The following DLGAP1 variants were observed in gnomAD, a reference collection of about 807,000 sequenced individuals.
DLGAP1 encodes disks large-associated protein 1.
DLGAP1 carries 11 observed loss-of-function variants against 90.8 expected under a neutral mutation model. The ratio of observed to expected loss-of-function variants is 0.12; its 90% CI spans 0.08 to 0.20. The LOEUF (loss-of-function observed/expected upper bound fraction) is 0.20, where lower values mean the gene tolerates loss of function less well. DLGAP1 is among the 10% of genes least tolerant of loss of function. The pLI, the probability that DLGAP1 is intolerant of heterozygous loss-of-function variation, is 1.00. For synonymous variants in DLGAP1, 558 were observed against 540.7 expected (o/e 1.03, Z -0.44); for missense variants, 1,050 against 1,333.8 (o/e 0.79, Z 3.31).
At chr18:3,550,312 A>G (rs908231206) in intron 9 of DLGAP1, among the ~76,000 whole-genome samples, 8 of 151,814 alleles carry the variant, frequency 5.3e-5, no homozygotes, top group African/African-American at 1.9e-4. Context: ...TGCAGCCTCA[A>G]CTTCCTGAGC....
intron 8 of DLGAP1, chr18:3,580,668 C>T (rs560913794): frequency 1.8e-5 from 29 of 1,609,102 alleles, no homozygotes; most frequent in African/African-American, 6.7e-5. Context: ...TTGCTGGGCC[C>T]GGCCCCTGAG....
chr18:3,956,646 C>A (rs1054988750), intron 3 of DLGAP1, among the ~76,000 whole-genome samples: 1 of 151,646 alleles, frequency 6.6e-6, no homozygotes, highest in Non-Finnish European at 1.5e-5. Context: ...CCACGCCCGG[C>A]CTATTTTTCC....
intron 1 of DLGAP1, among the ~76,000 whole-genome samples, chr18:4,277,499 A>G (rs534308346): frequency 1.3e-5 from 2 of 152,288 alleles, no homozygotes; most frequent in African/African-American, 2.4e-5. Context: ...GGGGTAAGAT[A>G]TATGTCATAG....
chr18:3,993,763 C>T (rs1230107457), intron 3 of DLGAP1, among the ~76,000 whole-genome samples: 2 of 152,122 alleles, frequency 1.3e-5, no homozygotes, highest in Non-Finnish European at 2.9e-5. Flanking sequence ...CATGGGATCA[C>T]TGACCAAGCT....
At chr18:4,340,471 A>C (rs1285062302) in intron 1 of DLGAP1, among the ~76,000 whole-genome samples, 1 of 152,330 alleles carries the variant, frequency 6.6e-6, no homozygotes, top group East Asian at 1.9e-4. Context: ...GGAAAATGGA[A>C]GCATGGATAA....
chr18:4,185,590 TC>T (rs2077279672), intron 1 of DLGAP1, among the ~76,000 whole-genome samples: 1 of 152,164 alleles, frequency 6.6e-6, no homozygotes, highest in South Asian at 2.1e-4. Context: ...TTGATTTCTT[TC>T]TTTTTTATAG....
At position 4,349,643 on chromosome 18, in the gene DLGAP1, C is replaced by A. The variant is rs9965628; in HGVS notation, c.-267+105363G>T. 7.9e-3 allele frequency among the ~76,000 whole-genome samples: 1,207 copies of A among 151,966 alleles called. 15 individuals carry two copies. Among genetic ancestry groups the A allele is most frequent in the African/African-American group, 0.027 (1,100 of 41,440 alleles). On this transcript the variant is annotated intron_variant, in intron 1 of 12. Transcript: ENST00000315677. Reference sequence around the variant, plus strand: ...TTATAAATTATACAACATGGATCAGCCCCACAGAGATGATATGGAGGAAGA... The same window carrying A: ...TTATAAATTATACAACATGGATCAGACCCACAGAGATGATATGGAGGAAGA...
intron 1 of DLGAP1, among the ~76,000 whole-genome samples, chr18:4,300,065 A>G (rs1254622023): frequency 1.3e-5 from 2 of 152,182 alleles, no homozygotes; most frequent in Non-Finnish European, 1.5e-5. Context: ...AGCTTTGCCC[A>G]TATCTTTATT....
chr18:3,974,555 T>C (rs1294743752), intron 3 of DLGAP1, among the ~76,000 whole-genome samples: 2 of 152,194 alleles, frequency 1.3e-5, no homozygotes, highest in African/African-American at 4.8e-5. Flanking sequence ...ATGGGTTTGC[T>C]TCACTCTCAG....
intron 1 of DLGAP1, among the ~76,000 whole-genome samples, chr18:4,429,389 A>G (rs280990): frequency 0.5 from 76,764 of 152,116 alleles, 20,920 homozygotes; most frequent in Middle Eastern, 0.65. Context: ...TGTAAAATGC[A>G]TTATGTTTTT....
chr18:3,635,751 G>T (rs1467734883), intron 7 of DLGAP1, among the ~76,000 whole-genome samples: 1 of 151,410 alleles, frequency 6.6e-6, no homozygotes, highest in Admixed American at 6.6e-5. Flanking sequence ...CAATTTGTAA[G>T]CCCTCATTCT....
At chr18:3,689,619 GA>G (rs1167655509) in intron 7 of DLGAP1, among the ~76,000 whole-genome samples, 12 of 152,288 alleles carry the variant, frequency 7.9e-5, no homozygotes, top group Admixed American at 4.6e-4. Context: ...ATCAGAACAT[GA>G]ATGATGGATT....
At position 4,306,671 on chromosome 18, in the gene DLGAP1, C is replaced by T. The variant is rs573459308; in HGVS notation, c.-267+148335G>A. Among the ~76,000 whole-genome samples the T allele has an allele frequency of 5.3e-4, 80 of 152,202 alleles. 1 individual carries two copies. Among genetic ancestry groups the T allele is most frequent in the South Asian group, 2.7e-3 (13 of 4,816 alleles). Reference sequence around the variant, plus strand: ...TTTATAATAAGTTTCCCAAATGATACGGAAGTTTTAGACTACTACTTTTAG... The same window carrying T: ...TTTATAATAAGTTTCCCAAATGATATGGAAGTTTTAGACTACTACTTTTAG... On this transcript the variant is annotated intron_variant, in intron 1 of 12. Transcript: ENST00000315677.
chr18:3,746,293 T>A (rs532888247), intron 5 of DLGAP1, among the ~76,000 whole-genome samples: 1 of 152,218 alleles, frequency 6.6e-6, no homozygotes, highest in South Asian at 2.1e-4. Flanking sequence ...TCAATTTCTA[T>A]ACTTAAACAA....
intron 1 of DLGAP1, among the ~76,000 whole-genome samples, chr18:4,298,025 A>C (rs1385169323): frequency 6.6e-6 from 1 of 151,682 alleles, no homozygotes; most frequent in Non-Finnish European, 1.5e-5. Context: ...TCTGCCCCGG[A>C]CTCTGGTGTC....
chr18:3,800,260 T>G (rs1331423221), intron 5 of DLGAP1, among the ~76,000 whole-genome samples: 2 of 152,248 alleles, frequency 1.3e-5, no homozygotes, highest in African/African-American at 4.8e-5. Flanking sequence ...ACTTTTACAC[T>G]TTTAGCTAAT....
chr18:3,577,769 T>C (rs1466012999), intron 8 of DLGAP1, among the ~76,000 whole-genome samples: 1 of 152,194 alleles, frequency 6.6e-6, no homozygotes, highest in East Asian at 1.9e-4. Context: ...GATTTTTTAC[T>C]CTTAGCTCCA....
chr18:4,135,260 C>G (rs1302598071), intron 2 of DLGAP1, among the ~76,000 whole-genome samples: 2 of 151,706 alleles, frequency 1.3e-5, no homozygotes, highest in African/African-American at 4.8e-5. Flanking sequence ...AGACAGCAAA[C>G]AGTAGAAGAG....
intron 6 of DLGAP1, among the ~76,000 whole-genome samples, chr18:3,730,994 G>A (rs1048021319): frequency 2.0e-5 from 3 of 152,306 alleles, no homozygotes; most frequent in Middle Eastern, 3.4e-3. Flanking sequence ...GAGAGACAAA[G>A]AGTGAGCAAG....
Sources: allele counts gnomAD v4.1 joint callset (sites outside exome capture counted in the v4.1 genomes callset), GRCh38; gene constraint gnomAD v4.1.1; transcripts MANE v1.5; gene names NCBI Gene and HGNC (gene_info 2026-07-23, HGNC 2026-07-21).